MALT1: variants seen among roughly 807,000 people sequenced by gnomAD.
MALT1 encodes the protein mucosa-associated lymphoid tissue lymphoma translocation protein 1.
Under a neutral mutation model 85.5 loss-of-function variants are expected in MALT1, and 36 were observed. The ratio of observed to expected loss-of-function variants is 0.42; its 90% CI spans 0.32 to 0.56. MALT1 has a LOEUF of 0.56. Ranked by LOEUF, MALT1 falls within the 20% of genes least tolerant of loss-of-function variation. The pLI is 0.10. For missense variants in MALT1, 716 were observed against 981.6 expected, an observed-to-expected ratio of 0.73 and a Z score of 3.62; for synonymous variants, 359 against 361.3, an observed-to-expected ratio of 0.99 and a Z score of 0.07.
intron 10 of MALT1, among the ~76,000 whole-genome samples, chr18:58,732,284 C>T (rs2055161464): frequency 6.6e-6 from 1 of 152,220 alleles, no homozygotes. Flanking sequence ...TGAAGAAGTT[C>T]AGACTGATAT....
At chr18:58,698,403 G>A (rs923134363) in intron 3 of MALT1, among the ~76,000 whole-genome samples, 6 of 152,184 alleles carry the variant, frequency 3.9e-5, no homozygotes, top group African/African-American at 1.2e-4. Flanking sequence ...GCGGCTTGAA[G>A]GAAGCAGAGA....
chr18:58,742,041 A>C, intron 14 of MALT1, 27 bp downstream of exon 14: 1 of 1,460,348 alleles, frequency 6.8e-7, no homozygotes, highest in African/African-American at 1.4e-5. Context: ...TTTTTGTTAG[A>C]TCTACAATAT....
chr18:58,681,029 G>A (rs1415561665), intron 1 of MALT1, 141 bp from the exon 2 acceptor site: 10 of 541,624 alleles, frequency 1.8e-5, no homozygotes, highest in Admixed American at 6.8e-5. Flanking sequence ...AAGGATACTC[G>A]CATTCATTAT....
intron 3 of MALT1, 116 bp from the exon 4 acceptor site, chr18:58,700,324 TG>T: frequency 4.3e-6 from 3 of 697,818 alleles, no homozygotes; most frequent in Non-Finnish European, 4.4e-6. Flanking sequence ...TTTTAGAACT[TG>T]GGGGAAAAAT....
Position 58,750,326 on chromosome 18 carries a change from G to C in MALT1, c.*2484G>C, listed in dbSNP as rs1261264704. 1 of 156,888 alleles carries C rather than the reference G, an allele frequency of 6.4e-6. No individual in the cohort carries two copies. The highest frequency in any genetic ancestry group is 1.4e-5 in the Non-Finnish European group (1 of 70,866). 9.7% of individuals were successfully genotyped at this position (156,888 alleles called of 1,614,324 possible). A position where few individuals can be genotyped will look rare whatever the true frequency, so the allele number is the denominator to read the frequency against. The stretch of plus-strand genomic sequence containing the variant: ...GACTGAATATTGGTAAGATGGCAAT[G>C]CTGCCCAAATTAGTCTACATATTCA... On this transcript the variant is annotated 3_prime_UTR_variant, in exon 17 of 17. Transcript: ENST00000649217.
At chr18:58,740,037 A>T (rs1336179641) in intron 13 of MALT1, among the ~76,000 whole-genome samples, 1 of 152,154 alleles carries the variant, frequency 6.6e-6, no homozygotes, top group South Asian at 2.1e-4. Context: ...AGTATCTTGA[A>T]TATTTCTTGT....
chr18:58,734,018 A>G (rs1318181491), intron 11 of MALT1: 2 of 1,227,280 alleles, frequency 1.6e-6, no homozygotes, highest in Admixed American at 3.7e-5. Flanking sequence ...CTTTCTAAGG[A>G]GTAGAACCAA....
At chr18:58,703,342 G>A (rs1321039990) in intron 4 of MALT1, among the ~76,000 whole-genome samples, 1 of 152,012 alleles carries the variant, frequency 6.6e-6, no homozygotes, top group African/African-American at 2.4e-5. Context: ...GGGTGACAGA[G>A]TGAGACTCCA....
At position 58,710,080 on chromosome 18, in the gene MALT1, G is replaced by A. The variant is rs1421497811; in HGVS notation, c.925+8G>A. On this transcript the variant is annotated splice_region_variant and intron_variant, in intron 6 of 16. Coordinates refer to ENST00000649217, the MANE Select transcript of MALT1 (RefSeq NM_006785.4). ...AGGTAGAAATCATCATAGGTAAGAA[G>A]TATTTCCCCAGTGTTCTGACAAGTG... The A allele has an allele frequency of 1.3e-6, 2 of 1,560,210 alleles. No homozygotes were observed. The highest frequency in any genetic ancestry group is 1.8e-6 in the Non-Finnish European group (2 of 1,132,434).
chr18:58,733,667 G>A (rs1403068190), intron 11 of MALT1, 93 bp downstream of exon 11: 8 of 1,049,532 alleles, frequency 7.6e-6, no homozygotes, highest in South Asian at 5.4e-5. Flanking sequence ...AGCCATTTGC[G>A]TTTGTGAATT....
Position 58,733,397 on chromosome 18 carries a change from G to T in MALT1, c.1223G>T (p.Gly408Val). 7 of 1,592,300 alleles carry T rather than the reference G, an allele frequency of 4.4e-6. No individual in the cohort carries two copies. The highest frequency in any genetic ancestry group is 6.0e-6 in the Non-Finnish European group (7 of 1,170,410). ...TCTCTCTTATTTTTCCTCTTTTCAG[G>T]GTTATTATATTATGCAGGACATGGT... ...FLLLLDKGVY[G>V]LLYYAGHGYE... Residue 408 changes from glycine to valine, a missense_variant and splice_region_variant, in exon 11 of 17, where the codon GGG becomes GTG. Coordinates refer to ENST00000649217, the MANE Select transcript of MALT1 (RefSeq NM_006785.4).
chr18:58,687,602 A>G (rs770616299), intron 2 of MALT1, among the ~76,000 whole-genome samples: 4 of 152,190 alleles, frequency 2.6e-5, no homozygotes, highest in Non-Finnish European at 4.4e-5. Flanking sequence ...TTTTAGATGG[A>G]AGTTGATAAA....
At chr18:58,735,626 C>T (rs774553855) in intron 13 of MALT1, among the ~76,000 whole-genome samples, 38 of 150,368 alleles carry the variant, frequency 2.5e-4, no homozygotes, top group Non-Finnish European at 4.3e-4. Flanking sequence ...CTCTACTTTG[C>T]TTCTATGCCC....
chr18:58,731,862 C>G (rs546245986), intron 10 of MALT1, among the ~76,000 whole-genome samples: 2 of 152,224 alleles, frequency 1.3e-5, no homozygotes, highest in African/African-American at 4.8e-5. Context: ...TTTTGTTTCT[C>G]TCAGTGCCTA....
At chr18:58,744,275 C>A in intron 14 of MALT1, 63 bp from the exon 15 acceptor site, 1 of 1,069,120 alleles carries the variant, frequency 9.4e-7, no homozygotes, top group Non-Finnish European at 1.4e-6. Context: ...TATTCTCCTC[C>A]ATAAATATTT....
intron 4 of MALT1, among the ~76,000 whole-genome samples, chr18:58,705,431 G>A (rs1406921961): frequency 6.7e-6 from 1 of 149,240 alleles, no homozygotes; most frequent in Non-Finnish European, 1.5e-5. Flanking sequence ...CCACTATCTC[G>A]TCATCTAGCA....
chr18:58,707,774 A>T (rs1021940106), intron 4 of MALT1, among the ~76,000 whole-genome samples: 6 of 152,212 alleles, frequency 3.9e-5, no homozygotes, highest in Non-Finnish European at 7.3e-5. Context: ...GGCTACTAGA[A>T]TAGGGGTATG....
intron 16 of MALT1, among the ~76,000 whole-genome samples, chr18:58,746,227 C>G (rs563917169): frequency 3.3e-5 from 5 of 152,204 alleles, no homozygotes; most frequent in African/African-American, 1.2e-4. Context: ...ACTATATTGC[C>G]CAGGCCAATC....
At chr18:58,728,322 T>C (rs1355867050) in intron 10 of MALT1, among the ~76,000 whole-genome samples, 1 of 152,200 alleles carries the variant, frequency 6.6e-6, no homozygotes, top group Non-Finnish European at 1.5e-5. Context: ...AACAACGATT[T>C]GGGCCACACA....
Sources: allele counts gnomAD v4.1 joint callset (sites outside exome capture counted in the v4.1 genomes callset), GRCh38; gene constraint gnomAD v4.1.1; transcripts MANE v1.5; gene names NCBI Gene and HGNC (gene_info 2026-07-23, HGNC 2026-07-21).